Variants in PLEKHG3 observed in about 807,000 individuals in gnomAD.
PLEKHG3 encodes pleckstrin homology domain-containing family G member 3.
Under a neutral mutation model 94.9 loss-of-function variants are expected in PLEKHG3, and 62 were observed. The ratio of observed to expected loss-of-function variants is 0.65; its 90% CI spans 0.53 to 0.81. PLEKHG3 has a LOEUF of 0.81. Among genes scored for constraint, PLEKHG3 ranks in the 30% least tolerant of loss-of-function variants. The pLI is 0.00. For synonymous variants in PLEKHG3, 614 were observed against 654.0 expected, an observed-to-expected ratio of 0.94 and a Z score of 0.93; for missense variants, 1,461 against 1,619.3, an observed-to-expected ratio of 0.90 and a Z score of 1.68.
chr14:64,737,957 A>G lies in PLEKHG3; in HGVS notation c.1404+582A>G, dbSNP rs112278166. ...CTGAAGGGGCTACCCAGGAGGAGGAAGAGGAAGAGGAGGAGGTGGTGGAGG... is the reference window on the plus strand; with the variant it reads ...CTGAAGGGGCTACCCAGGAGGAGGAGGAGGAAGAGGAGGAGGTGGTGGAGG... On this transcript the variant is annotated intron_variant, in intron 14 of 16. Coordinates refer to ENST00000247226, the MANE Select transcript of PLEKHG3 (RefSeq NM_001308147.2). 67 of 1,221,852 alleles carry G rather than the reference A, an allele frequency of 5.5e-5. No homozygotes were observed. The African/African-American group carries it at 8.8e-4, about 16-fold the overall frequency. The allele number at this position is 1,221,852 out of a possible 1,614,324, so 75.7% of individuals were successfully genotyped here.
chr14:64,744,251 CTT>C lies in PLEKHG3; in HGVS notation c.*551_*552del, dbSNP rs1479764936. 6.5e-6 allele frequency: 1 copy of C among 152,984 alleles called. No homozygotes were observed. The highest frequency in any genetic ancestry group is 2.4e-5 in the African/African-American group (1 of 41,466). 9.5% of individuals were successfully genotyped at this position (152,984 alleles called of 1,614,324 possible). A position where few individuals can be genotyped will look rare whatever the true frequency, so the allele number is the denominator to read the frequency against. ...GAATGAAGTGGATTCAGTTCAGGTA[CTT>C]TTGAGGGTTGTTGTGCTGACCCTGT... On this transcript the variant is annotated 3_prime_UTR_variant, in exon 17 of 17. Coordinates refer to ENST00000247226, the MANE Select transcript of PLEKHG3 (RefSeq NM_001308147.2).
In PLEKHG3 at chr14:64,738,751, C is replaced by G. The variant is rs780193834; in HGVS notation, c.1414C>G (p.Arg472Gly). The G allele has an allele frequency of 1.3e-6, 2 of 1,582,954 alleles. No individual in the cohort carries two copies. Among genetic ancestry groups the G allele is most frequent in the Admixed American group, 3.6e-5 (2 of 56,108 alleles). The change falls in exon 15 of 17, where the codon CGC becomes GGC. Residue 472 changes from arginine to glycine, a missense_variant. Around this residue, in one of 3 missense-constraint regions of PLEKHG3, gnomAD observed 1,201 missense variants for 1,295.5 expected, o/e 0.93. Coordinates refer to ENST00000247226, the MANE Select transcript of PLEKHG3 (RefSeq NM_001308147.2). This position sits in a 1 kb window ranked among gnomAD's most constrained non-coding sequence, Gnocchi z 4.8. ...ARAAGMKGKG[R>G]RESESSRSSR... ...ACCTCTACCTCTGCAGGGAAAGGGG[C>G]GCAGGGAGTCTGAAAGCTCCAGGAG...
At chr14:64,740,987 C>A in intron 15 of PLEKHG3, 49 bp from the exon 16 acceptor site, 1 of 1,453,204 alleles carries the variant, frequency 6.9e-7, no homozygotes. Flanking sequence ...TCCCCGGATC[C>A]CATGAAGGAG....
At position 64,718,081 on chromosome 14, in the gene PLEKHG3, C is replaced by T. The variant is rs1047169080; in HGVS notation, c.-39-9512C>T. Among the ~76,000 whole-genome samples, 6 of 152,234 alleles carry T rather than the reference C, an allele frequency of 3.9e-5. No homozygotes were observed. The highest frequency in any genetic ancestry group is 2.0e-4 in the Admixed American group (3 of 15,282). On this transcript the variant is annotated intron_variant, in intron 1 of 16. Transcript: ENST00000247226. This position sits in a 1 kb window ranked among gnomAD's most constrained non-coding sequence, Gnocchi z 5.0. Reference sequence around the variant, plus strand: ...GGCAGCAAATGCACTCAGATCTCTTCACCTGGCAAAGCTTACTCGTCATTT... The same window carrying T: ...GGCAGCAAATGCACTCAGATCTCTTTACCTGGCAAAGCTTACTCGTCATTT...
Position 64,732,784 on chromosome 14 carries a change from G to T in PLEKHG3, c.1247-19G>T. The T allele has an allele frequency of 6.3e-7, 1 of 1,578,476 alleles. No individual in the cohort carries two copies. The highest frequency in any genetic ancestry group is 8.6e-7 in the Non-Finnish European group (1 of 1,159,174). Reference sequence around the variant, plus strand: ...CCAATTGGGAATCAAAAGCTTGATCGTCTCTCTCCTGGGTGCAGATCCCAA... The same window carrying T: ...CCAATTGGGAATCAAAAGCTTGATCTTCTCTCTCCTGGGTGCAGATCCCAA... On this transcript the variant is annotated intron_variant, in intron 11 of 16. Transcript: ENST00000247226. The surrounding 1 kb of genome is among the most constrained non-coding windows in gnomAD (Gnocchi z 4.9).
At chr14:64,706,902 C>T (rs1455929032) in intron 1 of PLEKHG3, among the ~76,000 whole-genome samples, 2 of 152,246 alleles carry the variant, frequency 1.3e-5, no homozygotes, top group Admixed American at 6.5e-5. Context: ...AAGCCCAGGC[C>T]GCCCTGGCCT....
Position 64,741,790 on chromosome 14 carries a change from A to G in PLEKHG3, c.2273A>G (p.Asn758Ser), listed in dbSNP as rs757599300. The change falls in exon 16 of 17, where the codon AAC (asparagine) becomes AGC (serine). Residue 758 changes from asparagine (N) to serine (S), a missense_variant. This residue lies in a region of PLEKHG3 where 1,201 missense variants were observed against 1,295.5 expected (regional missense o/e 0.93). Transcript: ENST00000247226. ...GLVRNSISRFNSLPRPDPEPV... is the reference protein window; with the variant it reads ...GLVRNSISRFSSLPRPDPEPV... The stretch of plus-strand genomic sequence containing the variant: ...GTAAGAAACTCCATCTCCAGGTTCA[A>G]CAGCCTTCCCCGGCCAGACCCAGAG... The G allele has an allele frequency of 1.9e-5, 30 of 1,613,376 alleles. No individual in the cohort carries two copies. Among genetic ancestry groups the G allele is most frequent in the Non-Finnish European group, 2.3e-5 (27 of 1,180,044 alleles).
chr14:64,732,924 A>G lies in PLEKHG3; in HGVS notation c.1345+23A>G. ...CTGGTAAGAGAAGGGCTGTGGAGGC[A>G]GGAGGCCTCTCCCTCACACCCTTGC... On this transcript the variant is annotated intron_variant, in intron 12 of 16. Transcript: ENST00000247226. The surrounding 1 kb of genome is among the most constrained non-coding windows in gnomAD (Gnocchi z 4.9). 1.4e-6 allele frequency: 2 copies of G among 1,451,620 alleles called. No homozygotes were observed. Among genetic ancestry groups the G allele is most frequent in the Non-Finnish European group, 9.6e-7 (1 of 1,044,620 alleles). 89.9% of individuals were successfully genotyped at this position (1,451,620 alleles called of 1,614,324 possible).
intron 1 of PLEKHG3, among the ~76,000 whole-genome samples, chr14:64,714,811 T>C (rs931824886): frequency 1.3e-5 from 2 of 152,044 alleles, no homozygotes; most frequent in Admixed American, 1.3e-4. Flanking sequence ...GCCCCCAAAA[T>C]ACCATCCATG....
At position 64,741,576 on chromosome 14, in the gene PLEKHG3, G is replaced by C; in HGVS notation, c.2059G>C (p.Glu687Gln). Residue 687 changes from glutamate (E) to glutamine (Q), a missense_variant, in exon 16 of 17, where the codon GAG (glutamate) becomes CAG (glutamine). Coordinates refer to ENST00000247226, the MANE Select transcript of PLEKHG3 (RefSeq NM_001308147.2). Reference protein sequence around the residue: ...TEDSPSVNGMEPPSPGCPVEP... With the variant: ...TEDSPSVNGMQPPSPGCPVEP... ...GGACAGCCCTTCTGTCAATGGGATG[G>C]AGCCCCCAAGCCCAGGCTGCCCAGT... The C allele has an allele frequency of 6.2e-7, 1 of 1,612,980 alleles. No homozygotes were observed. Among genetic ancestry groups the C allele is most frequent in the Non-Finnish European group, 8.5e-7 (1 of 1,180,030 alleles).
Position 64,738,277 on chromosome 14 carries a change from A to G in PLEKHG3, c.1405-465A>G. Reference sequence around the variant, plus strand: ...TCCTTGCATGCTCCCTGGGATGTGCATGCCCACCCGAGGGCCCCCTCTGCT... The same window carrying G: ...TCCTTGCATGCTCCCTGGGATGTGCGTGCCCACCCGAGGGCCCCCTCTGCT... On this transcript the variant is annotated intron_variant, in intron 14 of 16. Transcript: ENST00000247226. This position sits in a 1 kb window ranked among gnomAD's most constrained non-coding sequence, Gnocchi z 4.8. 8.5e-7 allele frequency: 1 copy of G among 1,182,948 alleles called. No individual in the cohort carries two copies. The highest frequency in any genetic ancestry group is 1.1e-6 in the Non-Finnish European group (1 of 897,690). 73.3% of individuals were successfully genotyped at this position (1,182,948 alleles called of 1,614,324 possible).
In PLEKHG3 at chr14:64,726,339, C is replaced by T. The variant is rs758533069; in HGVS notation, c.-39-1254C>T. 6.6e-6 allele frequency among the ~76,000 whole-genome samples: 1 copy of T among 152,142 alleles called. No individual in the cohort carries two copies. The highest frequency in any genetic ancestry group is 1.5e-5 in the Non-Finnish European group (1 of 68,018). ...TTTAGTCATGTCTGGGGTCTAGTCA[C>T]TTCTGAGCCCTAGAGCTAGGGGTAG... On this transcript the variant is annotated intron_variant, in intron 1 of 16. Coordinates refer to ENST00000247226, the MANE Select transcript of PLEKHG3 (RefSeq NM_001308147.2). The surrounding 1 kb of genome is among the most constrained non-coding windows in gnomAD (Gnocchi z 5.1).
In PLEKHG3 at chr14:64,731,056, G is replaced by A; in HGVS notation, c.736G>A (p.Asp246Asn). 6.2e-7 allele frequency: 1 copy of A among 1,614,142 alleles called. No homozygotes were observed. The highest frequency in any genetic ancestry group is 8.5e-7 in the Non-Finnish European group (1 of 1,179,998). ...TGCGCAGGAAATTGCCAAGCATTTT[G>A]ATGAAGAAGAGGATGGCTTTGAGGT... ...LLLQEIAKHF[D>N]EEEDGFEVVE... The change falls in exon 7 of 17, where the codon GAT becomes AAT. Residue 246 changes from aspartate (D) to asparagine (N), a missense_variant. By Grantham distance (23) the Asp-to-Asn change is conservative. This residue lies in a region of PLEKHG3 where 1,201 missense variants were observed against 1,295.5 expected (regional missense o/e 0.93). Transcript: ENST00000247226. The surrounding 1 kb of genome is among the most constrained non-coding windows in gnomAD (Gnocchi z 6.1).
chr14:64,737,245 G>A (rs1221541350), intron 13 of PLEKHG3, 111 bp from the exon 14 acceptor site: 1 of 799,780 alleles, frequency 1.3e-6, no homozygotes, highest in Middle Eastern at 2.2e-4. Flanking sequence ...CCCCCAGTGA[G>A]GACTTCCCCA....
rs948076194 is a variant in PLEKHG3, at chr14:64,745,412, G to C, written c.*1709G>C. On this transcript the variant is annotated 3_prime_UTR_variant, in exon 17 of 17. Transcript: ENST00000247226. This position sits in a 1 kb window ranked among gnomAD's most constrained non-coding sequence, Gnocchi z 5.0. ...GGCCTTCTGACCCAACCTGAAGATG[G>C]GTCTGCTAAGTCTAACAAGGTCAAG... The C allele has an allele frequency of 6.6e-6, 1 of 152,210 alleles. No homozygotes were observed. Among genetic ancestry groups the C allele is most frequent in the African/African-American group, 2.4e-5 (1 of 41,462 alleles). 9.4% of individuals were successfully genotyped at this position (152,210 alleles called of 1,614,324 possible).
At position 64,732,905 on chromosome 14, in the gene PLEKHG3, A is replaced by G. The variant is rs747778093; in HGVS notation, c.1345+4A>G. 4 of 1,582,542 alleles carry G rather than the reference A, an allele frequency of 2.5e-6. No homozygotes were observed. The African/African-American group carries it at 5.4e-5, about 21-fold the overall frequency. Reference sequence around the variant, plus strand: ...CGCCAGGGGCGCCGGCAATCTGGTAAGAGAAGGGCTGTGGAGGCAGGAGGC... The same window carrying G: ...CGCCAGGGGCGCCGGCAATCTGGTAGGAGAAGGGCTGTGGAGGCAGGAGGC... On this transcript the variant is annotated splice_donor_region_variant and intron_variant, in intron 12 of 16. Coordinates refer to ENST00000247226, the MANE Select transcript of PLEKHG3 (RefSeq NM_001308147.2). This position sits in a 1 kb window ranked among gnomAD's most constrained non-coding sequence, Gnocchi z 4.9.
In PLEKHG3 at chr14:64,732,888, G is replaced by T; in HGVS notation, c.1332G>T (p.Gly444=). The change falls in exon 12 of 17, where the codon GGG becomes GGT. Residue 444 remains glycine (G), a synonymous_variant. Coordinates refer to ENST00000247226, the MANE Select transcript of PLEKHG3 (RefSeq NM_001308147.2). The surrounding 1 kb of genome is among the most constrained non-coding windows in gnomAD (Gnocchi z 4.9). ...QDEVSTNVRQ[G]RRQSEPTKHL... ...AGGTGTCCACCAATGTGCGCCAGGG[G>T]CGCCGGCAATCTGGTAAGAGAAGGG... The T allele has an allele frequency of 6.2e-7, 1 of 1,605,306 alleles. No homozygotes were observed. Among genetic ancestry groups the T allele is most frequent in the Non-Finnish European group, 8.5e-7 (1 of 1,175,802 alleles).
In PLEKHG3 at chr14:64,741,360, C is replaced by G. The variant is rs761895184; in HGVS notation, c.1843C>G (p.Arg615Gly). The stretch of plus-strand genomic sequence containing the variant: ...GGAGCGATTTGTCAGCAGCTTCTCT[C>G]GGCGGAGCAGCGTGGCACAGGAGGA... ...IAERFVSSFSRRSSVAQEDSK... is the reference protein window; with the variant it reads ...IAERFVSSFSGRSSVAQEDSK... The change falls in exon 16 of 17, where the codon CGG becomes GGG. Residue 615 changes from arginine (R) to glycine (G), a missense_variant. Physicochemically the swap from Arg to Gly is moderately radical, Grantham distance 125 (BLOSUM62 -2). Around this residue, in one of 3 missense-constraint regions of PLEKHG3, gnomAD observed 1,201 missense variants for 1,295.5 expected, o/e 0.93. Transcript: ENST00000247226. 12 of 1,613,364 alleles carry G rather than the reference C, an allele frequency of 7.4e-6. No individual in the cohort carries two copies. In the East Asian group the frequency reaches 2.4e-4, roughly 33 times the overall value.
At position 64,721,332 on chromosome 14, in the gene PLEKHG3, G is replaced by A. The variant is rs1245338381; in HGVS notation, c.-39-6261G>A. 6.6e-6 allele frequency among the ~76,000 whole-genome samples: 1 copy of A among 152,052 alleles called. No individual in the cohort carries two copies. Among genetic ancestry groups the A allele is most frequent in the Non-Finnish European group, 1.5e-5 (1 of 67,992 alleles). ...GAACAGCCCTCCCTCTGAGCTAGGT[G>A]CCTGGCTTTCCTTTCCTTCCAAGGT... On this transcript the variant is annotated intron_variant, in intron 1 of 16. Transcript: ENST00000247226. This position sits in a 1 kb window ranked among gnomAD's most constrained non-coding sequence, Gnocchi z 4.3.
Sources: allele counts gnomAD v4.1 joint callset (sites outside exome capture counted in the v4.1 genomes callset), GRCh38; gene constraint gnomAD v4.1.1; regional missense constraint gnomAD v4.1.1; non-coding constraint Gnocchi (gnomAD v3.1); transcripts MANE v1.5; gene names NCBI Gene and HGNC (gene_info 2026-07-23, HGNC 2026-07-21).